Variants in LGR5 observed in about 807,000 individuals in gnomAD.
LGR5 encodes the protein leucine rich repeat containing G protein-coupled receptor 5.
A neutral mutation model predicts 76.7 loss-of-function variants in LGR5; 54 were observed. That is an observed-to-expected ratio of 0.70 (90% CI 0.57 to 0.88). The LOEUF is 0.88. Among genes scored for constraint, LGR5 ranks in the 40% least tolerant of loss-of-function variants. The pLI, the probability that LGR5 is intolerant of heterozygous loss-of-function variation, is 0.00. For missense variants in LGR5, 1,078 were observed against 1,073.3 expected, an observed-to-expected ratio of 1.00 and a Z score of -0.06; for synonymous variants, 406 against 421.9, an observed-to-expected ratio of 0.96 and a Z score of 0.46.
intron 1 of LGR5, among the ~76,000 whole-genome samples, chr12:71,456,718 C>G (rs781524878): frequency 6.6e-6 from 1 of 152,018 alleles, no homozygotes; most frequent in Non-Finnish European, 1.5e-5. Flanking sequence ...AGTCACAGAA[C>G]AGACATTTTA....
intron 3 of LGR5, 54 bp from the exon 4 acceptor site, chr12:71,535,061 G>T (rs1382292080): frequency 5.6e-6 from 7 of 1,254,992 alleles, no homozygotes; most frequent in Non-Finnish European, 6.9e-6. Flanking sequence ...CCTTGTTTAG[G>T]CCTGTTATTG....
chr12:71,548,526 A>G (rs139448843), intron 4 of LGR5, among the ~76,000 whole-genome samples: 1 of 152,318 alleles, frequency 6.6e-6, no homozygotes, highest in East Asian at 1.9e-4. Context: ...ATTTGAATTT[A>G]CCTTTATTTT....
intron 13 of LGR5, among the ~76,000 whole-genome samples, chr12:71,577,078 T>C (rs963069977): frequency 3.3e-5 from 5 of 152,176 alleles, no homozygotes; most frequent in African/African-American, 1.2e-4. Context: ...TTTATTAAGG[T>C]AACCCTGGAG....
At position 71,445,715 on chromosome 12, in the gene LGR5, C is replaced by T. The variant is rs191705940; in HGVS notation, c.212+5423C>T. Among the ~76,000 whole-genome samples the T allele has an allele frequency of 4.6e-5, 7 of 152,124 alleles. No homozygotes were observed. In the East Asian group the frequency reaches 5.8e-4, roughly 13 times the overall value. ...GGCTTGAAACTGGAACGGAGAAAAACGTTAGTCATTTGATTTCAAGAAATG... is the reference window on the plus strand; with the variant it reads ...GGCTTGAAACTGGAACGGAGAAAAATGTTAGTCATTTGATTTCAAGAAATG... On this transcript the variant is annotated intron_variant, in intron 1 of 17. Transcript: ENST00000266674.
chr12:71,562,847 G>T (rs1878128152), intron 8 of LGR5, among the ~76,000 whole-genome samples: 1 of 151,964 alleles, frequency 6.6e-6, no homozygotes, highest in Non-Finnish European at 1.5e-5. Flanking sequence ...GGGCTTTCTG[G>T]GACCATGTGG....
chr12:71,512,106 C>T (rs1283597821), intron 2 of LGR5, among the ~76,000 whole-genome samples: 1 of 152,194 alleles, frequency 6.6e-6, no homozygotes, highest in Admixed American at 6.5e-5. Flanking sequence ...ATTCTCTTGC[C>T]TCAGCCTCCC....
In LGR5 at chr12:71,583,868, A is replaced by C. The variant is rs777592823; in HGVS notation, c.1858A>C (p.Thr620Pro). The stretch of plus-strand genomic sequence containing the variant: ...CGTGCTGGCTGGTGTGGATGCGTTC[A>C]CTTTTGGCAGCTTTGCACGACATGG... ...SAVLAGVDAF[T>P]FGSFARHGAW... is the part of the protein sequence containing the mutation. Residue 620 changes from threonine to proline, a missense_variant, in exon 18 of 18, where the codon ACT becomes CCT. Coordinates refer to ENST00000266674, the MANE Select transcript of LGR5 (RefSeq NM_003667.4). 6.2e-7 allele frequency: 1 copy of C among 1,614,070 alleles called. No individual in the cohort carries two copies. The highest frequency in any genetic ancestry group is 8.5e-7 in the Non-Finnish European group (1 of 1,180,026).
chr12:71,485,768 CTTTT>C (rs560900401), intron 1 of LGR5, among the ~76,000 whole-genome samples: 2 of 141,016 alleles, frequency 1.4e-5, no homozygotes, highest in Non-Finnish European at 3.1e-5. Flanking sequence ...ACACAATTAT[CTTTT>C]TTTTTTTTTT....
At chr12:71,495,110 C>A (rs1874256050) in intron 1 of LGR5, among the ~76,000 whole-genome samples, 1 of 150,854 alleles carries the variant, frequency 6.6e-6, no homozygotes, top group Non-Finnish European at 1.5e-5. Context: ...CCACTTCTGA[C>A]ACCAAACTTA....
intron 11 of LGR5, among the ~76,000 whole-genome samples, chr12:71,570,444 T>C (rs577726968): frequency 6.6e-6 from 1 of 152,176 alleles, no homozygotes; most frequent in East Asian, 1.9e-4. Context: ...AATGAAGGAG[T>C]ATCCCCTTTG....
intron 1 of LGR5, among the ~76,000 whole-genome samples, chr12:71,490,457 C>A (rs529853426): frequency 6.6e-6 from 1 of 152,250 alleles, no homozygotes; most frequent in South Asian, 2.1e-4. Context: ...AGTGACAGGG[C>A]TAATCAGAGA....
intron 1 of LGR5, among the ~76,000 whole-genome samples, chr12:71,491,049 T>C (rs1874048491): frequency 6.6e-6 from 1 of 152,124 alleles, no homozygotes. Context: ...TCTGATCGTT[T>C]TATAAAGGGC....
chr12:71,550,677 T>C (rs1877436995), intron 4 of LGR5, among the ~76,000 whole-genome samples: 1 of 152,130 alleles, frequency 6.6e-6, no homozygotes, highest in Non-Finnish European at 1.5e-5. Flanking sequence ...TTGGCCAGGC[T>C]GGTCTGGAAC....
chr12:71,566,990 T>A (rs952834142), intron 11 of LGR5, 78 bp downstream of exon 11: 24 of 1,123,014 alleles, frequency 2.1e-5, no homozygotes, highest in Non-Finnish European at 3.0e-5. Flanking sequence ...ATGATTTCAA[T>A]AATCTCTTTA....
At chr12:71,564,928 T>A (rs1013075039) in intron 8 of LGR5, among the ~76,000 whole-genome samples, 2 of 151,392 alleles carry the variant, frequency 1.3e-5, no homozygotes, top group African/African-American at 2.4e-5. Context: ...TATACATATA[T>A]GTGTATATAT....
At chr12:71,518,417 G>A (rs56021059) in intron 2 of LGR5, among the ~76,000 whole-genome samples, 6,592 of 152,176 alleles carry the variant, frequency 0.043, 148 homozygotes, top group South Asian at 0.069. Flanking sequence ...GAAAATTAGC[G>A]CAACCATTGT....
At chr12:71,574,709 A>T (rs1020474753) in intron 13 of LGR5, among the ~76,000 whole-genome samples, 1 of 151,662 alleles carries the variant, frequency 6.6e-6, no homozygotes, top group African/African-American at 2.4e-5. Context: ...TCCTCAGCAC[A>T]CTCCAGGTCC....
chr12:71,540,966 T>G (rs1876845601), intron 4 of LGR5, among the ~76,000 whole-genome samples: 1 of 152,176 alleles, frequency 6.6e-6, no homozygotes, highest in Admixed American at 6.5e-5. Context: ...ACCGTGACTT[T>G]AGTTTGTTTT....
At chr12:71,548,915 T>C (rs543571129) in intron 4 of LGR5, among the ~76,000 whole-genome samples, 7 of 152,224 alleles carry the variant, frequency 4.6e-5, no homozygotes, top group Non-Finnish European at 8.8e-5. Flanking sequence ...TATAGTGTAG[T>C]TATTTTTGTT....
Sources: gnomAD v4.1 joint callset for allele counts (sites outside exome capture counted in the v4.1 genomes callset) on GRCh38, gnomAD v4.1.1 for gene constraint, MANE v1.5 for transcripts, NCBI Gene and HGNC (gene_info 2026-07-23, HGNC 2026-07-21) for gene names.